GOLIM4: variants seen among roughly 807,000 people sequenced by gnomAD.
The protein encoded by GOLIM4 is 130 kDa golgi-localized phosphoprotein.
A neutral mutation model predicts 107.4 loss-of-function variants in GOLIM4; 71 were observed. The observed-to-expected ratio is 0.66, with a 90% CI of 0.55 to 0.81. The LOEUF (loss-of-function observed/expected upper bound fraction) is 0.81. GOLIM4 is among the 30% of genes least tolerant of loss of function. GOLIM4 has a pLI of 0.00. For missense variants in GOLIM4, 830 were observed against 826.1 expected, an observed-to-expected ratio of 1.00 and a Z score of -0.06; for synonymous variants, 327 against 294.8, an observed-to-expected ratio of 1.11 and a Z score of -1.12.
At chr3:168,050,260 CTA>C (rs1491328597) in intron 1 of GOLIM4, among the ~76,000 whole-genome samples, 1 of 136,552 alleles carries the variant, frequency 7.3e-6, no homozygotes, top group Non-Finnish European at 1.6e-5. Flanking sequence ...AAGTCCACTG[CTA>C]AAAAGTAATT....
intron 1 of GOLIM4, among the ~76,000 whole-genome samples, chr3:168,083,647 A>G (rs985321687): frequency 2.0e-5 from 3 of 152,224 alleles, no homozygotes; most frequent in African/African-American, 7.2e-5. Context: ...TGAGTCAGAT[A>G]ATGCAAGAAA....
At chr3:168,076,773 ATACT>A (rs1310974254) in intron 1 of GOLIM4, among the ~76,000 whole-genome samples, 2 of 152,232 alleles carry the variant, frequency 1.3e-5, no homozygotes, top group African/African-American at 4.8e-5. Context: ...AAATGTCAAA[ATACT>A]TAAGTAAAAA....
chr3:168,030,495 C>G (rs1274468813), intron 9 of GOLIM4, among the ~76,000 whole-genome samples: 1 of 140,618 alleles, frequency 7.1e-6, no homozygotes, highest in Non-Finnish European at 1.5e-5. Flanking sequence ...ATACCAATCC[C>G]AGGCTAAGCA....
At position 168,041,377 on chromosome 3, in the gene GOLIM4, T is replaced by G; in HGVS notation, c.600+15A>C. 6.8e-7 allele frequency: 1 copy of G among 1,478,310 alleles called. No individual in the cohort carries two copies. The highest frequency in any genetic ancestry group is 9.5e-7 in the Non-Finnish European group (1 of 1,058,162). 91.6% of individuals were successfully genotyped at this position (1,478,310 alleles called of 1,614,324 possible). The stretch of plus-strand genomic sequence containing the variant: ...AGGCAAACACTAAATAGTGAAACGT[T>G]TGGTTTTCTTTTACCTTGACATCTT... On this transcript the variant is annotated intron_variant, in intron 6 of 15. Transcript: ENST00000470487.
intron 14 of GOLIM4, 58 bp downstream of exon 14, chr3:168,024,468 A>T: frequency 8.5e-7 from 1 of 1,170,662 alleles, no homozygotes. Flanking sequence ...AGGTTTGTTT[A>T]AGGTTAGTGT....
intron 8 of GOLIM4, among the ~76,000 whole-genome samples, chr3:168,034,495 A>G (rs1718526876): frequency 6.6e-6 from 1 of 152,238 alleles, no homozygotes. Context: ...TGTCTGTTGA[A>G]GGAATACCCT....
chr3:168,085,327 A>T (rs1879815), intron 1 of GOLIM4, among the ~76,000 whole-genome samples: 1 of 151,982 alleles, frequency 6.6e-6, no homozygotes, highest in Non-Finnish European at 1.5e-5. Context: ...CAGATGACAG[A>T]ACCTCCTAAG....
intron 3 of GOLIM4, among the ~76,000 whole-genome samples, chr3:168,045,181 CCA>C (rs1719227917): frequency 6.6e-6 from 1 of 152,060 alleles, no homozygotes; most frequent in African/African-American, 2.4e-5. Flanking sequence ...GAACTGGAGC[CCA>C]GACATACGAA....
rs973571107 is a variant in GOLIM4, at chr3:168,009,751, A to G, written c.*518T>C. ...GATTTCCAATTGTATGTCACTTTGT[A>G]CATAGATCTCACTCCAGAGATACAT... On this transcript the variant is annotated 3_prime_UTR_variant, in exon 16 of 16. Coordinates refer to ENST00000470487, the MANE Select transcript of GOLIM4 (RefSeq NM_014498.5). 6.6e-6 allele frequency: 1 copy of G among 152,312 alleles called. No homozygotes were observed. The highest frequency in any genetic ancestry group is 6.5e-5 in the Admixed American group (1 of 15,290). 9.4% of individuals were successfully genotyped at this position (152,312 alleles called of 1,614,324 possible).
chr3:168,033,371 C>T (rs1436294039), intron 8 of GOLIM4, among the ~76,000 whole-genome samples: 2 of 151,508 alleles, frequency 1.3e-5, no homozygotes, highest in Non-Finnish European at 2.9e-5. Flanking sequence ...TTTGGGAGGT[C>T]GAGGCGGGTG....
At chr3:168,085,059 T>C (rs1415316710) in intron 1 of GOLIM4, among the ~76,000 whole-genome samples, 1 of 152,040 alleles carries the variant, frequency 6.6e-6, no homozygotes, top group African/African-American at 2.4e-5. Context: ...TGTCTTATGG[T>C]AAACTATGAG....
intron 1 of GOLIM4, among the ~76,000 whole-genome samples, chr3:168,055,393 CAA>C (rs1171421910): frequency 1.3e-5 from 2 of 151,908 alleles, no homozygotes. Flanking sequence ...TATATTTTAG[CAA>C]AGAGACTGAC....
chr3:168,095,065 T>A, intron 1 of GOLIM4, 34 bp downstream of exon 1: 1 of 1,552,910 alleles, frequency 6.4e-7, no homozygotes, highest in Non-Finnish European at 8.8e-7. Flanking sequence ...GGGGCAAAGT[T>A]GGCCACCGGC....
At chr3:168,089,740 GC>G (rs1398895623) in intron 1 of GOLIM4, among the ~76,000 whole-genome samples, 3 of 151,356 alleles carry the variant, frequency 2.0e-5, no homozygotes, top group Non-Finnish European at 4.4e-5. Flanking sequence ...AATAAAAAAA[GC>G]CTGGTTCTGT....
Position 168,095,339 on chromosome 3 carries a change from C to A in GOLIM4, c.-54G>T. ...GCCCCCGCCGTCTCCTCCCCTTGGTCCGAGCGAGCGTCTCAGCAGCGGCCG... is the reference window on the plus strand; with the variant it reads ...GCCCCCGCCGTCTCCTCCCCTTGGTACGAGCGAGCGTCTCAGCAGCGGCCG... On this transcript the variant is annotated 5_prime_UTR_variant, in exon 1 of 16. Coordinates refer to ENST00000470487, the MANE Select transcript of GOLIM4 (RefSeq NM_014498.5). 1.3e-6 allele frequency: 2 copies of A among 1,526,956 alleles called. No individual in the cohort carries two copies. Among genetic ancestry groups the A allele is most frequent in the Non-Finnish European group, 1.8e-6 (2 of 1,116,382 alleles). The allele number at this position is 1,526,956 out of a possible 1,614,324, so 94.6% of individuals were successfully genotyped here.
At chr3:168,011,212 G>C (rs75611123) in intron 14 of GOLIM4, among the ~76,000 whole-genome samples, 1 of 149,594 alleles carries the variant, frequency 6.7e-6, no homozygotes, top group Non-Finnish European at 1.5e-5. Flanking sequence ...AAAGCAGGGC[G>C]AGGCATTGTC....
At chr3:168,084,084 C>T (rs114091110) in intron 1 of GOLIM4, among the ~76,000 whole-genome samples, 5,637 of 152,182 alleles carry the variant, frequency 0.037, 334 homozygotes, top group African/African-American at 0.13. Flanking sequence ...ACTGGATCAT[C>T]GGGGTGGATT....
intron 15 of GOLIM4, among the ~76,000 whole-genome samples, 160 bp from the exon 16 acceptor site, chr3:168,010,578 T>C (rs1334266718): frequency 6.6e-6 from 1 of 152,236 alleles, no homozygotes; most frequent in Non-Finnish European, 1.5e-5. Flanking sequence ...CTACTTTTCA[T>C]GTTGTCACAA....
intron 3 of GOLIM4, 74 bp downstream of exon 3, chr3:168,046,876 T>A: frequency 1.3e-6 from 1 of 781,486 alleles, no homozygotes; most frequent in South Asian, 1.9e-5. Flanking sequence ...CGCAACTGTA[T>A]TTCTCTCTCT....
Sources: gnomAD v4.1 joint callset for allele counts (sites outside exome capture counted in the v4.1 genomes callset) on GRCh38, gnomAD v4.1.1 for gene constraint, MANE v1.5 for transcripts, NCBI Gene and HGNC (gene_info 2026-07-23, HGNC 2026-07-21) for gene names.